WSCD1: variants seen among roughly 807,000 people sequenced by gnomAD.
The protein encoded by WSCD1 is WSC domain sialate O sulfotransferase 1.
WSCD1 carries 41 observed loss-of-function variants against 60.4 expected under a neutral mutation model. The observed-to-expected ratio is 0.68, with a 90% CI of 0.53 to 0.88. The LOEUF (loss-of-function observed/expected upper bound fraction) is 0.88, where lower values mean the gene tolerates loss of function less well. Among genes scored for constraint, WSCD1 ranks in the 40% least tolerant of loss-of-function variants. The pLI is 0.00. For missense variants in WSCD1, 784 were observed against 796.2 expected, an observed-to-expected ratio of 0.98 and a Z score of 0.18; for synonymous variants, 361 against 332.5, an observed-to-expected ratio of 1.09 and a Z score of -0.93.
intron 7 of WSCD1, among the ~76,000 whole-genome samples, chr17:6,111,136 A>G (rs1911386812): frequency 6.6e-6 from 1 of 152,162 alleles, no homozygotes; most frequent in Non-Finnish European, 1.5e-5. Context: ...CCCATCCACA[A>G]CAAAGTTACG....
chr17:6,097,804 G>A (rs763651545), intron 5 of WSCD1, among the ~76,000 whole-genome samples: 3 of 152,102 alleles, frequency 2.0e-5, no homozygotes, highest in African/African-American at 4.8e-5. Context: ...TTTATACCCC[G>A]ATCAGTGATG....
intron 5 of WSCD1, among the ~76,000 whole-genome samples, chr17:6,100,961 T>C (rs57396369): frequency 0.056 from 8,499 of 152,220 alleles, 306 homozygotes; most frequent in East Asian, 0.22. Flanking sequence ...TGAGGTCTGA[T>C]GGATGTGAAA....
chr17:6,111,969 A>G (rs1393017531), intron 7 of WSCD1, among the ~76,000 whole-genome samples: 1 of 152,252 alleles, frequency 6.6e-6, no homozygotes, highest in Non-Finnish European at 1.5e-5. Flanking sequence ...TTAGTTGAAT[A>G]ATTAAAATGA....
chr17:6,102,708 A>G (rs1033590924), intron 5 of WSCD1, among the ~76,000 whole-genome samples: 1 of 151,970 alleles, frequency 6.6e-6, no homozygotes, highest in African/African-American at 2.4e-5. Flanking sequence ...TCCTTCTCAC[A>G]TTTGTTCCTT....
intron 3 of WSCD1, among the ~76,000 whole-genome samples, chr17:6,089,468 C>T (rs1053021533): frequency 6.6e-6 from 1 of 152,166 alleles, no homozygotes; most frequent in Non-Finnish European, 1.5e-5. Context: ...CCTTTCTTTA[C>T]CTACGGTATT....
intron 1 of WSCD1, chr17:6,077,846 A>AT (rs1908964083): frequency 6.6e-6 from 1 of 152,212 alleles, no homozygotes; most frequent in Admixed American, 6.5e-5. Context: ...TACAGGATTA[A>AT]TGTGCTCCCT....
Position 6,110,756 on chromosome 17 carries a change from C to A in WSCD1, c.1010-15C>A. On this transcript the variant is annotated splice_polypyrimidine_tract_variant and intron_variant, in intron 6 of 8. Transcript: ENST00000317744. This position sits in a 1 kb window ranked among gnomAD's most constrained non-coding sequence, Gnocchi z 4.8. ...ATGGAAGTGAGTAACCCCGTGATGA[C>A]TTTTGGACTTTCAGACACTCGTTGT... 6.2e-7 allele frequency: 1 copy of A among 1,603,136 alleles called. No homozygotes were observed. The highest frequency in any genetic ancestry group is 8.5e-7 in the Non-Finnish European group (1 of 1,171,716).
intron 7 of WSCD1, among the ~76,000 whole-genome samples, chr17:6,116,206 C>A (rs1911677376): frequency 1.3e-5 from 2 of 152,188 alleles, no homozygotes; most frequent in East Asian, 3.9e-4. Flanking sequence ...TTGTTCATCT[C>A]CAAGGCCCTT....
At chr17:6,117,967 C>T (rs754153497) in intron 7 of WSCD1, 21 bp from the exon 8 acceptor site, 12 of 1,612,270 alleles carry the variant, frequency 7.4e-6, no homozygotes, top group Non-Finnish European at 1.0e-5. Context: ...TCCACAGAGA[C>T]CCTCTCATTT....
At chr17:6,086,409 C>T (rs1450822166) in intron 2 of WSCD1, among the ~76,000 whole-genome samples, 2 of 151,770 alleles carry the variant, frequency 1.3e-5, no homozygotes, top group African/African-American at 2.4e-5. Flanking sequence ...GATCCCAGCT[C>T]ACTGCAACCT....
chr17:6,084,110 G>A (rs1466542662), intron 2 of WSCD1, among the ~76,000 whole-genome samples: 3 of 152,186 alleles, frequency 2.0e-5, no homozygotes, highest in Non-Finnish European at 4.4e-5. Flanking sequence ...CCTCCCCAGT[G>A]GCTCCCAGAC....
intron 5 of WSCD1, among the ~76,000 whole-genome samples, chr17:6,107,892 G>T (rs1911185992): frequency 6.6e-6 from 1 of 152,206 alleles, no homozygotes; most frequent in African/African-American, 2.4e-5. Context: ...ATAGAAGAGT[G>T]GTGTAGGGGC....
intron 5 of WSCD1, among the ~76,000 whole-genome samples, chr17:6,099,192 AC>A (rs1249572337): frequency 1.3e-5 from 2 of 151,904 alleles, no homozygotes; most frequent in Admixed American, 6.6e-5. Flanking sequence ...ATAAGAAACA[AC>A]CCCCAAACCA....
In WSCD1 at chr17:6,120,619, C is replaced by T. The variant is rs770987586; in HGVS notation, c.1686C>T (p.Asp562=). ...YIRTVDQALR[D]HNWTGLPREY... is the part of the protein sequence containing the mutation. ...GGACGGTGGACCAAGCCCTGCGTGA[C>T]CACAACTGGACGGGGCTGCCCAGGG... is the stretch of plus-strand genomic sequence containing the variant. The change falls in exon 9 of 9, where the codon GAC becomes GAT. Residue 562 remains aspartate, a synonymous_variant. Coordinates refer to ENST00000317744, the MANE Select transcript of WSCD1 (RefSeq NM_015253.2). 3 of 1,613,398 alleles carry T rather than the reference C, an allele frequency of 1.9e-6. No individual in the cohort carries two copies. The highest frequency in any genetic ancestry group is 1.7e-5 in the Admixed American group (1 of 60,028).
At chr17:6,087,393 C>T (rs1909724940) in intron 2 of WSCD1, among the ~76,000 whole-genome samples, 1 of 152,226 alleles carries the variant, frequency 6.6e-6, no homozygotes, top group African/African-American at 2.4e-5. Flanking sequence ...TTGTTTCCCA[C>T]ACAGGACACT....
rs556147247 is a variant in WSCD1, at chr17:6,074,293, C to G, written c.-289+3641C>G. Among the ~76,000 whole-genome samples, 204 of 152,318 alleles carry G rather than the reference C, an allele frequency of 1.3e-3. 1 individual carries two copies. The highest frequency in any genetic ancestry group is 4.5e-3 in the African/African-American group (189 of 41,566). On this transcript the variant is annotated intron_variant, in intron 1 of 8. Coordinates refer to ENST00000317744, the MANE Select transcript of WSCD1 (RefSeq NM_015253.2). ...ATTTGCATTTCCCAGACCTTGTTCC[C>G]CCAAAGGGCCCAACAGATTTTTGTT...
chr17:6,089,247 T>C (rs949207994), intron 3 of WSCD1, among the ~76,000 whole-genome samples: 8 of 152,334 alleles, frequency 5.3e-5, no homozygotes, highest in African/African-American at 1.9e-4. Flanking sequence ...ATACATTCTC[T>C]TTTTAGTCTC....
chr17:6,078,741 C>T (rs551268374), intron 1 of WSCD1, among the ~76,000 whole-genome samples: 37 of 152,114 alleles, frequency 2.4e-4, no homozygotes, highest in Admixed American at 1.9e-3. Flanking sequence ...GGCTATTGAA[C>T]GGGGTTTTAA....
chr17:6,081,618 C>T (rs55812667), intron 2 of WSCD1, among the ~76,000 whole-genome samples: 3 of 151,482 alleles, frequency 2.0e-5, no homozygotes, highest in Non-Finnish European at 4.4e-5. Flanking sequence ...GGCTGAGGTA[C>T]CAGAATCGCT....
Sources: allele counts gnomAD v4.1 joint callset (sites outside exome capture counted in the v4.1 genomes callset), GRCh38; gene constraint gnomAD v4.1.1; non-coding constraint Gnocchi (gnomAD v3.1); transcripts MANE v1.5; gene names NCBI Gene and HGNC (gene_info 2026-07-23, HGNC 2026-07-21).